Variants in SULT1B1 observed in about 807,000 individuals in gnomAD.
SULT1B1 encodes sulfotransferase family 1B member 1, also known as sulfotransferase 1B1.
A neutral mutation model predicts 34.6 loss-of-function variants in SULT1B1; 28 were observed. That is an observed-to-expected ratio of 0.81 (90% confidence interval 0.60 to 1.11). The LOEUF (loss-of-function observed/expected upper bound fraction) is 1.11. Ranked by LOEUF, SULT1B1 falls within the 50% of genes least tolerant of loss-of-function variation. The pLI is 0.00. For missense variants in SULT1B1, 374 were observed against 352.2 expected (o/e 1.06, Z -0.50); for synonymous variants, 147 against 110.2 (o/e 1.33, Z -2.09).
intron 6 of SULT1B1, among the ~76,000 whole-genome samples, chr4:69,733,097 A>G (rs1291817457): frequency 1.3e-5 from 2 of 152,166 alleles, no homozygotes; most frequent in African/African-American, 2.4e-5. Context: ...TTTAAAAACA[A>G]TGTTAAAATA....
At chr4:69,728,271 C>T (rs1362129558) in intron 7 of SULT1B1, among the ~76,000 whole-genome samples, 1 of 152,022 alleles carries the variant, frequency 6.6e-6, no homozygotes, top group African/African-American at 2.4e-5. Context: ...AACACATTTA[C>T]TTCAAAAAAG....
chr4:69,728,256 AC>A (rs1717916904), intron 7 of SULT1B1, among the ~76,000 whole-genome samples: 1 of 152,092 alleles, frequency 6.6e-6, no homozygotes, highest in Admixed American at 6.6e-5. Context: ...TTTATAATAT[AC>A]GCAAACACAT....
At chr4:69,750,682 T>C (rs1256512463) in intron 3 of SULT1B1, among the ~76,000 whole-genome samples, 1 of 152,230 alleles carries the variant, frequency 6.6e-6, no homozygotes, top group Non-Finnish European at 1.5e-5. Flanking sequence ...TATTACATTT[T>C]TCTCTTAATG....
In SULT1B1 at chr4:69,749,750, G is replaced by T. The variant is rs1234534022; in HGVS notation, c.346C>A (p.Pro116Thr). Residue 116 changes from proline to threonine, a missense_variant, in exon 4 of 8, where the codon CCT becomes ACT. Physicochemically the swap from Pro to Thr is conservative, Grantham distance 38 (BLOSUM62 -1). Transcript: ENST00000310613. ...VKTHLPTDLLPKSFWENNCKM... is the reference protein window; with the variant it reads ...VKTHLPTDLLTKSFWENNCKM... ...CAATTGTTTTCCCAGAAAGATTTAG[G>T]AAGAAGATCAGTCGGTAGATGTGTT... is the stretch of plus-strand genomic sequence containing the variant. 6.2e-7 allele frequency: 1 copy of T among 1,613,546 alleles called. No homozygotes were observed. Among genetic ancestry groups the T allele is most frequent in the Non-Finnish European group, 8.5e-7 (1 of 1,179,642 alleles).
chr4:69,732,401 G>T (rs1308843428), intron 6 of SULT1B1, among the ~76,000 whole-genome samples: 1 of 152,054 alleles, frequency 6.6e-6, no homozygotes, highest in African/African-American at 2.4e-5. Context: ...TATAAAGTAG[G>T]ATTAATGCCA....
intron 7 of SULT1B1, among the ~76,000 whole-genome samples, chr4:69,729,662 A>G (rs534287637): frequency 2.0e-5 from 3 of 152,222 alleles, no homozygotes; most frequent in Admixed American, 2.0e-4. Flanking sequence ...AATTAATCAT[A>G]TTACTCAAAA....
intron 4 of SULT1B1, among the ~76,000 whole-genome samples, chr4:69,748,308 A>T (rs1411862802): frequency 6.6e-6 from 1 of 152,224 alleles, no homozygotes; most frequent in Non-Finnish European, 1.5e-5. Context: ...AAAAGGACTA[A>T]TCTGTTAAGA....
chr4:69,745,385 C>T (rs530758848), intron 4 of SULT1B1, among the ~76,000 whole-genome samples: 26 of 152,260 alleles, frequency 1.7e-4, no homozygotes, highest in African/African-American at 5.1e-4. Flanking sequence ...TTTAGATGCT[C>T]TAAAGTTGGA....
chr4:69,749,658 A>T, intron 4 of SULT1B1, 63 bp downstream of exon 4: 1 of 1,162,914 alleles, frequency 8.6e-7, no homozygotes, highest in East Asian at 2.4e-5. Flanking sequence ...TAAAAAATAA[A>T]CTATGTGAGT....
intron 4 of SULT1B1, among the ~76,000 whole-genome samples, chr4:69,739,796 G>A (rs973157408): frequency 6.6e-6 from 1 of 152,124 alleles, no homozygotes; most frequent in African/African-American, 2.4e-5. Flanking sequence ...TCTGCTTTCT[G>A]TTGAATGCTT....
chr4:69,758,242 G>A (rs912838670), intron 1 of SULT1B1: 1 of 922,916 alleles, frequency 1.1e-6, no homozygotes, highest in Non-Finnish European at 1.3e-6. Flanking sequence ...TACTTGGGAT[G>A]AAGTTGGTAT....
chr4:69,756,568 C>A (rs938062745), intron 1 of SULT1B1, among the ~76,000 whole-genome samples: 28 of 152,110 alleles, frequency 1.8e-4, no homozygotes, highest in African/African-American at 6.8e-4. Context: ...TACCTAATTG[C>A]CTTTGAGCTT....
intron 3 of SULT1B1, among the ~76,000 whole-genome samples, chr4:69,751,988 T>A (rs1719000231): frequency 6.6e-6 from 1 of 152,226 alleles, no homozygotes; most frequent in South Asian, 2.1e-4. Context: ...CCCAGCATAA[T>A]CCCTCAGTTC....
intron 4 of SULT1B1, among the ~76,000 whole-genome samples, chr4:69,744,752 C>A (rs763960396): frequency 3.7e-4 from 56 of 152,156 alleles, no homozygotes; most frequent in Admixed American, 9.8e-4. Flanking sequence ...TTCGTTATTT[C>A]TTTTCTTCTG....
chr4:69,734,227 A>G lies in SULT1B1; in HGVS notation c.413T>C (p.Val138Ala). ...YLARNAKDVSVSYYHFDLMNN... is the reference protein window; with the variant it reads ...YLARNAKDVSASYYHFDLMNN... ...CATTAAGTCAAAATGGTAATATGAG[A>G]CTGAAACATCCTTGGCATTACGAGC... Residue 138 changes from valine to alanine, a missense_variant, in exon 5 of 8, where the codon GTC becomes GCC. Physicochemically the swap from Val to Ala is moderately conservative, Grantham distance 64. Coordinates refer to ENST00000310613, the MANE Select transcript of SULT1B1 (RefSeq NM_014465.4). 2 of 1,613,310 alleles carry G rather than the reference A, an allele frequency of 1.2e-6. No homozygotes were observed. Among genetic ancestry groups the G allele is most frequent in the Non-Finnish European group, 1.7e-6 (2 of 1,179,600 alleles).
chr4:69,755,704 C>A (rs957451579), intron 1 of SULT1B1, among the ~76,000 whole-genome samples: 3 of 151,938 alleles, frequency 2.0e-5, no homozygotes, highest in African/African-American at 7.2e-5. Flanking sequence ...AGGTTTCTTT[C>A]TTTATCACTT....
chr4:69,751,821 A>G (rs1188707936), intron 3 of SULT1B1, among the ~76,000 whole-genome samples: 1 of 152,142 alleles, frequency 6.6e-6, no homozygotes, highest in African/African-American at 2.4e-5. Flanking sequence ...CTGTCAGGCA[A>G]TGCTGCATAT....
chr4:69,733,842 A>G (rs1338359021), intron 5 of SULT1B1, among the ~76,000 whole-genome samples: 1 of 152,176 alleles, frequency 6.6e-6, no homozygotes, highest in Non-Finnish European at 1.5e-5. Flanking sequence ...TAACAGATCT[A>G]ACTAATTGCT....
intron 3 of SULT1B1, among the ~76,000 whole-genome samples, chr4:69,751,757 T>C (rs1033406544): frequency 6.6e-6 from 1 of 152,050 alleles, no homozygotes; most frequent in African/African-American, 2.4e-5. Flanking sequence ...CGGCCTAGAG[T>C]AGATTTAAAT....
Sources: allele counts gnomAD v4.1 joint callset (sites outside exome capture counted in the v4.1 genomes callset), GRCh38; gene constraint gnomAD v4.1.1; transcripts MANE v1.5; gene names NCBI Gene and HGNC (gene_info 2026-07-23, HGNC 2026-07-21).